Variants in ELP4 observed in about 807,000 individuals in gnomAD.
The protein encoded by ELP4 is elongator acetyltransferase complex subunit 4.
A neutral mutation model predicts 48.9 loss-of-function variants in ELP4; 51 were observed. The ratio of observed to expected loss-of-function variants is 1.04; its 90% confidence interval spans 0.83 to 1.32. The LOEUF is 1.32. Ranked by LOEUF, ELP4 falls within the 40% of genes most tolerant of loss-of-function variation. The pLI, the probability that ELP4 is intolerant of heterozygous loss-of-function variation, is 0.00. For synonymous variants in ELP4, 210 were observed against 189.2 expected, an observed-to-expected ratio of 1.11 and a Z score of -0.90; for missense variants, 519 against 514.6, an observed-to-expected ratio of 1.01 and a Z score of -0.08.
At chr11:31,606,584 A>T (rs1044868329) in intron 5 of ELP4, among the ~76,000 whole-genome samples, 1 of 152,194 alleles carries the variant, frequency 6.6e-6, no homozygotes. Context: ...TTAAATTTTC[A>T]AATTAAAGCC....
At chr11:31,629,002 TAAAC>T (rs1316811872) in intron 6 of ELP4, among the ~76,000 whole-genome samples, 1 of 152,002 alleles carries the variant, frequency 6.6e-6, no homozygotes, top group African/African-American at 2.4e-5. Flanking sequence ...TGTTTTCAAA[TAAAC>T]AACTAATTTG....
intron 3 of ELP4, among the ~76,000 whole-genome samples, chr11:31,569,622 A>G (rs992368093): frequency 6.6e-6 from 1 of 152,134 alleles, no homozygotes; most frequent in Non-Finnish European, 1.5e-5. Context: ...GCTATTCAGG[A>G]GGCTGAGGCA....
intron 3 of ELP4, among the ~76,000 whole-genome samples, chr11:31,546,568 C>T (rs1956722586): frequency 6.6e-6 from 1 of 152,124 alleles, no homozygotes; most frequent in African/African-American, 2.4e-5. Context: ...CAACATTAGA[C>T]AGATCAACGA....
chr11:31,526,872 AC>A (rs1187952371), intron 2 of ELP4, among the ~76,000 whole-genome samples: 12 of 152,030 alleles, frequency 7.9e-5, no homozygotes, highest in African/African-American at 2.9e-4. Context: ...TTATTTAAAA[AC>A]AAGGGGAAAA....
At chr11:31,766,610 A>G (rs1948046959) in intron 9 of ELP4, among the ~76,000 whole-genome samples, 1 of 152,124 alleles carries the variant, frequency 6.6e-6, no homozygotes, top group African/African-American at 2.4e-5. Context: ...AATAAATTGT[A>G]AGATATTTAA....
chr11:31,527,488 G>A (rs1023764076), intron 2 of ELP4, among the ~76,000 whole-genome samples: 1 of 151,952 alleles, frequency 6.6e-6, no homozygotes, highest in Non-Finnish European at 1.5e-5. Flanking sequence ...TTCTATATCT[G>A]TTTCTCTTCC....
intron 7 of ELP4, among the ~76,000 whole-genome samples, chr11:31,639,337 T>C (rs1218638243): frequency 3.3e-5 from 5 of 151,910 alleles, no homozygotes; most frequent in Non-Finnish European, 5.9e-5. Context: ...ATTTATCAAA[T>C]TCCAGTGACT....
intron 3 of ELP4, among the ~76,000 whole-genome samples, chr11:31,577,231 C>T (rs957379141): frequency 6.6e-6 from 1 of 152,062 alleles, no homozygotes; most frequent in East Asian, 1.9e-4. Context: ...CACGACTAAA[C>T]GAGGAAGAAG....
intron 2 of ELP4, among the ~76,000 whole-genome samples, chr11:31,533,270 A>C (rs2133896089): frequency 6.6e-6 from 1 of 151,996 alleles, no homozygotes. Context: ...GTCATTTATA[A>C]GTAAAAACGT....
At chr11:31,593,273 G>A (rs1376150827) in intron 3 of ELP4, among the ~76,000 whole-genome samples, 1 of 115,994 alleles carries the variant, frequency 8.6e-6, no homozygotes, top group Admixed American at 8.9e-5. Context: ...TTGTTGTTAA[G>A]ACAGGGTTTC....
chr11:31,738,471 C>T (rs543259532), intron 9 of ELP4, among the ~76,000 whole-genome samples: 4 of 151,568 alleles, frequency 2.6e-5, no homozygotes, highest in East Asian at 1.9e-4. Context: ...TAGTGGCCGA[C>T]GCCTATAATC....
chr11:31,712,057 T>C (rs1946752411), intron 9 of ELP4, among the ~76,000 whole-genome samples: 3 of 152,036 alleles, frequency 2.0e-5, no homozygotes, highest in Admixed American at 2.0e-4. Flanking sequence ...AATGATGGGC[T>C]TGATTTTGCA....
chr11:31,767,761 C>T (rs1370903343), intron 9 of ELP4: 3 of 152,130 alleles, frequency 2.0e-5, no homozygotes, highest in Admixed American at 6.5e-5. Context: ...TTACTGCTTA[C>T]TTCCCTCTGT....
chr11:31,763,480 C>T (rs566244805), intron 9 of ELP4: 1 of 1,611,226 alleles, frequency 6.2e-7, no homozygotes, highest in Admixed American at 1.7e-5. Context: ...CTTACTCAAG[C>T]AGAAAGACTC....
intron 9 of ELP4, among the ~76,000 whole-genome samples, chr11:31,764,552 G>A (rs548349928): frequency 2.0e-5 from 3 of 152,248 alleles, no homozygotes; most frequent in South Asian, 2.1e-4. Context: ...CTTCTGGTGC[G>A]GCCATCAAGG....
intron 5 of ELP4, among the ~76,000 whole-genome samples, chr11:31,604,295 G>A (rs907410816): frequency 2.6e-5 from 4 of 151,638 alleles, no homozygotes; most frequent in Admixed American, 6.6e-5. Flanking sequence ...AACTAGTGTC[G>A]TTTGCTTAAT....
chr11:31,739,523 G>A (rs1251290883), intron 9 of ELP4, among the ~76,000 whole-genome samples: 3 of 151,996 alleles, frequency 2.0e-5, no homozygotes, highest in African/African-American at 7.2e-5. Context: ...TGGTGTGTAA[G>A]GTTATTAATA....
Position 31,664,570 on chromosome 11 carries a change from T to A in ELP4, c.1143+14349T>A, listed in dbSNP as rs192185406. On this transcript the variant is annotated intron_variant, in intron 9 of 9. Transcript: ENST00000640961. ...ATTTGGAAAGTTATTTAGATTAGGTTCTTCCACATTTTAAATTCATGCTTT... is the reference window on the plus strand; with the variant it reads ...ATTTGGAAAGTTATTTAGATTAGGTACTTCCACATTTTAAATTCATGCTTT... The A allele has an allele frequency of 3.3e-5, 5 of 152,278 alleles. No homozygotes were observed. The East Asian group carries it at 9.7e-4, about 29-fold the overall frequency. The allele number at this position is 152,278 out of a possible 1,614,324, so 9.4% of individuals were successfully genotyped here.
intron 9 of ELP4, chr11:31,650,502 A>G: frequency 3.7e-6 from 1 of 272,122 alleles, no homozygotes; most frequent in Non-Finnish European, 6.8e-6. Flanking sequence ...GCATATTTCC[A>G]TGGCTTTGAA....
Sources: allele counts gnomAD v4.1 joint callset (sites outside exome capture counted in the v4.1 genomes callset), GRCh38; gene constraint gnomAD v4.1.1; transcripts MANE v1.5; gene names NCBI Gene and HGNC (gene_info 2026-07-23, HGNC 2026-07-21).